CEP44: variants seen among roughly 807,000 people sequenced by gnomAD.
The protein encoded by CEP44 is centrosomal protein 44.
A neutral mutation model predicts 46.7 loss-of-function variants in CEP44; 45 were observed. The ratio of observed to expected loss-of-function variants is 0.96; its 90% CI spans 0.76 to 1.24. The LOEUF is 1.24. CEP44 is among the 50% of genes most tolerant of loss of function. CEP44 has a pLI of 0.00. For missense variants in CEP44, 475 were observed against 459.7 expected (o/e 1.03, Z -0.30); for synonymous variants, 142 against 146.0 (o/e 0.97, Z 0.20).
At position 174,317,338 on chromosome 4, in the gene CEP44, T is replaced by C. The variant is rs765750863; in HGVS notation, c.1128T>C (p.Phe376=). The change falls in exon 12 of 12, where the codon TTT becomes TTC. Residue 376 remains phenylalanine (F), a synonymous_variant. Coordinates refer to ENST00000503780, the MANE Select transcript of CEP44 (RefSeq NM_001040157.3). ...TATATTATTTATTATATTTCAGGTT[T>C]GAAGAAACTGCAGAGTTACTGAAAT... ...IQKMERMKKM[F]EETAELLKCP... 1.5e-6 allele frequency: 2 copies of C among 1,334,732 alleles called. No individual in the cohort carries two copies. Among genetic ancestry groups the C allele is most frequent in the Non-Finnish European group, 2.0e-6 (2 of 992,578 alleles). 82.7% of individuals were successfully genotyped at this position (1,334,732 alleles called of 1,614,324 possible).
rs534443502 is a variant in CEP44 at position 174,294,611 on chromosome 4, T to A, written c.-147-3355T>A. 3.5e-3 allele frequency among the ~76,000 whole-genome samples: 531 copies of A among 151,412 alleles called. 2 individuals are homozygous for A. Among genetic ancestry groups the A allele is most frequent in the Middle Eastern group, 6.9e-3 (2 of 288 alleles). The stretch of plus-strand genomic sequence containing the variant: ...GGCAGAGGGGCTCCTCACTTCCCAG[T>A]AGGGGCGGCCGGGCAGAGGCGCCCC... On this transcript the variant is annotated intron_variant, in intron 1 of 11. Transcript: ENST00000503780.
Position 174,314,950 on chromosome 4 carries a change from C to T in CEP44, c.962-1216C>T, listed in dbSNP as rs1369032434. ...TCTCTTAGCATTTGGAATTAGGACA[C>T]CACGAGTTAGTTAGTCAAATGATAT... On this transcript the variant is annotated intron_variant, in intron 9 of 11. Transcript: ENST00000503780. The surrounding 1 kb of genome is among the most constrained non-coding windows in gnomAD (Gnocchi z 4.1). Among the ~76,000 whole-genome samples the T allele has an allele frequency of 6.6e-6, 1 of 152,156 alleles. No homozygotes were observed. Among genetic ancestry groups the T allele is most frequent in the East Asian group, 1.9e-4 (1 of 5,200 alleles).
downstream of CEP44, among the ~76,000 whole-genome samples, chr4:174,320,631 GA>G (rs372353564): frequency 1.6e-4 from 17 of 106,282 alleles, no homozygotes; most frequent in East Asian, 5.2e-3. Flanking sequence ...ACAAAGGCTT[GA>G]AAGGAAGAGC....
At chr4:174,315,840 CA>C (rs58586936) in intron 9 of CEP44, among the ~76,000 whole-genome samples, 45,205 of 95,714 alleles carry the variant, frequency 0.47, 5,991 homozygotes, top group East Asian at 0.66. Flanking sequence ...GACTCCGTCT[CA>C]AAAAAAAAAA....
intron 1 of CEP44, among the ~76,000 whole-genome samples, chr4:174,291,834 A>G (rs1262462062): frequency 6.9e-5 from 8 of 115,112 alleles, no homozygotes; most frequent in Non-Finnish European, 1.3e-4. Flanking sequence ...TCTGTTGCCC[A>G]GGCTGGAGTG....
intron 10 of CEP44, 110 bp downstream of exon 10, chr4:174,316,400 C>A: frequency 7.2e-7 from 1 of 1,387,142 alleles, no homozygotes. Flanking sequence ...ATCTTAGTCT[C>A]TCAAAATTCT....
rs1483432103 is a variant in CEP44 at position 174,329,556 on chromosome 4, C to T, written c.1087-1926C>T. Among the ~76,000 whole-genome samples the T allele has an allele frequency of 3.9e-5, 6 of 152,030 alleles. No individual in the cohort carries two copies. The highest frequency in any genetic ancestry group is 1.5e-5 in the Non-Finnish European group (1 of 68,008). ...TGGTATTTTAGCATTATCTTGCTTC[C>T]AGGATAATGTTCTCACACTTTATAG... On this transcript the variant is annotated intron_variant, in intron 8 of 8. Transcript: ENST00000426172. The surrounding 1 kb of genome is among the most constrained non-coding windows in gnomAD (Gnocchi z 4.0).
chr4:174,303,471 A>G (rs1174824292), intron 4 of CEP44, among the ~76,000 whole-genome samples: 1 of 152,178 alleles, frequency 6.6e-6, no homozygotes, highest in Non-Finnish European at 1.5e-5. Context: ...CTCTGGACAG[A>G]CATCTGTTCT....
downstream of CEP44, among the ~76,000 whole-genome samples, chr4:174,324,356 T>A (rs1380855816): frequency 6.6e-6 from 1 of 152,168 alleles, no homozygotes; most frequent in Non-Finnish European, 1.5e-5. Context: ...CTATGAACAC[T>A]GGAACATGTG....
chr4:174,307,853 A>G (rs1479688241), intron 6 of CEP44, among the ~76,000 whole-genome samples: 1 of 152,210 alleles, frequency 6.6e-6, no homozygotes, highest in Non-Finnish European at 1.5e-5. Context: ...AATCACATGA[A>G]AAAAACTCAA....
exon 9 of CEP44, chr4:174,332,106 G>A (rs1432796563): frequency 6.6e-6 from 1 of 152,638 alleles, no homozygotes; most frequent in Non-Finnish European, 1.5e-5. Flanking sequence ...ATCCAGAATG[G>A]TGAAAGAGTC....
chr4:174,292,486 T>G (rs901897826), intron 1 of CEP44, among the ~76,000 whole-genome samples: 1 of 152,210 alleles, frequency 6.6e-6, no homozygotes, highest in Non-Finnish European at 1.5e-5. Context: ...TCTGGAACTT[T>G]TATAATGTGT....
chr4:174,322,253 A>T (rs926486736), downstream of CEP44, among the ~76,000 whole-genome samples: 2 of 151,970 alleles, frequency 1.3e-5, no homozygotes, highest in Non-Finnish European at 2.9e-5. Context: ...ATTCTCTTCC[A>T]CCTTCACTTT....
At position 174,309,660 on chromosome 4, in the gene CEP44, G is replaced by A. The variant is rs185481618; in HGVS notation, c.679-190G>A. On this transcript the variant is annotated intron_variant, in intron 7 of 11. Coordinates refer to ENST00000503780, the MANE Select transcript of CEP44 (RefSeq NM_001040157.3). The surrounding 1 kb of genome is among the most constrained non-coding windows in gnomAD (Gnocchi z 5.3). ...CTTTTTTTTTAATGAGGAAATGGAG[G>A]CATCAAGATCATAAATCTCAGAACT... Among the ~76,000 whole-genome samples, 4 of 151,632 alleles carry A rather than the reference G, an allele frequency of 2.6e-5. No individual in the cohort carries two copies. In the East Asian group the frequency reaches 7.8e-4, roughly 29 times the overall value.
At chr4:174,294,231 G>C (rs1482838692) in intron 1 of CEP44, among the ~76,000 whole-genome samples, 3 of 151,006 alleles carry the variant, frequency 2.0e-5, no homozygotes, top group Non-Finnish European at 3.0e-5. Context: ...TGAGATTAGG[G>C]AGTGGTGATG....
chr4:174,321,919 C>T (rs930513678), downstream of CEP44, among the ~76,000 whole-genome samples: 2 of 152,088 alleles, frequency 1.3e-5, no homozygotes, highest in African/African-American at 4.8e-5. Context: ...ACAGAAACCA[C>T]TAGGAGTTCT....
Position 174,317,735 on chromosome 4 carries a change from T to C in CEP44, c.*352T>C. ...ACAGGCTTGAGGACTATGGTTTACA[T>C]CCTGTTGGAAACATTCCAAATGGGA... On this transcript the variant is annotated 3_prime_UTR_variant, in exon 12 of 12. Transcript: ENST00000503780. 1.0e-6 allele frequency: 1 copy of C among 990,310 alleles called. No homozygotes were observed. The highest frequency in any genetic ancestry group is 1.2e-6 in the Non-Finnish European group (1 of 832,966). The allele number at this position is 990,310 out of a possible 1,614,324, so 61.3% of individuals were successfully genotyped here. A position where few individuals can be genotyped will look rare whatever the true frequency, so the allele number is the denominator to read the frequency against.
rs115411345 is a variant in CEP44, at chr4:174,284,324, G to C, written c.-148+381G>C. ...ACTAGTATATGCTTTTAGTCACAAC[G>C]AAGTGGGAAGTATCGTGGTAGCTCA... On this transcript the variant is annotated intron_variant, in intron 1 of 11. Coordinates refer to ENST00000503780, the MANE Select transcript of CEP44 (RefSeq NM_001040157.3). 1,698 of 341,668 alleles carry C rather than the reference G, an allele frequency of 5.0e-3. 27 individuals are homozygous for C. Among genetic ancestry groups the C allele is most frequent in the African/African-American group, 0.032 (1,537 of 47,658 alleles). 21.2% of individuals were successfully genotyped at this position (341,668 alleles called of 1,614,324 possible). A position where few individuals can be genotyped will look rare whatever the true frequency, so the allele number is the denominator to read the frequency against.
At position 174,303,717 on chromosome 4, in the gene CEP44, A is replaced by G. The variant is rs1019130189; in HGVS notation, c.252A>G (p.Gln84=). The stretch of plus-strand genomic sequence containing the variant: ...TTCCTCTGCAGCTTCTTCGTGATCA[A>G]TTTAATTATAAACCAATTTTGACAA... ...IDAVYKLLRD[Q]FNYKPILTKK... is the part of the protein sequence containing the mutation. Residue 84 remains glutamine, a synonymous_variant, in exon 5 of 12, where the codon CAA becomes CAG. Transcript: ENST00000503780. 14 of 1,531,464 alleles carry G rather than the reference A, an allele frequency of 9.1e-6. No homozygotes were observed. Among genetic ancestry groups the G allele is most frequent in the Non-Finnish European group, 8.9e-6 (10 of 1,121,936 alleles). 94.9% of individuals were successfully genotyped at this position (1,531,464 alleles called of 1,614,324 possible).
Sources: allele counts gnomAD v4.1 joint callset (sites outside exome capture counted in the v4.1 genomes callset), GRCh38; gene constraint gnomAD v4.1.1; non-coding constraint Gnocchi (gnomAD v3.1); transcripts MANE v1.5; gene names NCBI Gene and HGNC (gene_info 2026-07-23, HGNC 2026-07-21).